Variants in EYS observed in about 807,000 individuals in gnomAD.
The protein encoded by EYS is protein eyes shut homolog.
A neutral mutation model predicts 282.1 loss-of-function variants in EYS; 250 were observed. That is an observed-to-expected ratio of 0.89 (90% confidence interval 0.80 to 0.98). EYS has a LOEUF of 0.98. Among genes scored for constraint, EYS ranks in the 50% least tolerant of loss-of-function variants. The pLI, the probability that EYS is intolerant of heterozygous loss-of-function variation, is 0.00. For synonymous variants in EYS, 1,355 were observed against 1,282.9 expected (o/e 1.06, Z -1.20); for missense variants, 4,016 against 3,709.0 (o/e 1.08, Z -2.15).
intron 26 of EYS, among the ~76,000 whole-genome samples, chr6:64,515,345 G>A (rs188756088): frequency 1.3e-5 from 2 of 151,562 alleles, no homozygotes; most frequent in Admixed American, 6.6e-5. Context: ...AAAAGGGAAG[G>A]TTTTAAGTAT....
chr6:65,628,662 G>A (rs1304836835), intron 2 of EYS, among the ~76,000 whole-genome samples: 2 of 152,030 alleles, frequency 1.3e-5, no homozygotes, highest in African/African-American at 2.4e-5. Flanking sequence ...CTTAAGAGCT[G>A]TAACACTCAC....
At chr6:63,959,671 A>G (rs1233687728) in intron 35 of EYS, among the ~76,000 whole-genome samples, 2 of 152,218 alleles carry the variant, frequency 1.3e-5, no homozygotes, top group Non-Finnish European at 2.9e-5. Flanking sequence ...ACCATGGAAT[A>G]CTATGCAGCC....
chr6:63,919,231 A>G (rs1484788399), intron 35 of EYS, among the ~76,000 whole-genome samples: 2 of 149,126 alleles, frequency 1.3e-5, no homozygotes, highest in Admixed American at 1.3e-4. Flanking sequence ...CCACATGAGT[A>G]GTGGGCAACA....
At chr6:65,263,682 A>T (rs1168769412) in intron 12 of EYS, among the ~76,000 whole-genome samples, 2 of 150,524 alleles carry the variant, frequency 1.3e-5, no homozygotes, top group Admixed American at 6.6e-5. Context: ...CTTCAACCTA[A>T]AAAGCAAAAA....
Position 64,027,631 on chromosome 6 carries a change from C to T in EYS, c.6726-28448G>A, listed in dbSNP as rs1001642700. 1.3e-5 allele frequency among the ~76,000 whole-genome samples: 2 copies of T among 152,194 alleles called. 1 individual carries two copies. The highest frequency in any genetic ancestry group is 4.1e-4 in the South Asian group (2 of 4,830). ...GACAGAAAATGGAGCAGGCCAATCACCTGGTAGGGCTTGTTATCAGTGTGG... is the reference window on the plus strand; with the variant it reads ...GACAGAAAATGGAGCAGGCCAATCATCTGGTAGGGCTTGTTATCAGTGTGG... On this transcript the variant is annotated intron_variant, in intron 33 of 42. Transcript: ENST00000503581.
chr6:63,737,609 G>C (rs566079669), intron 41 of EYS, among the ~76,000 whole-genome samples: 3 of 145,604 alleles, frequency 2.1e-5, no homozygotes, highest in Admixed American at 7.0e-5. Flanking sequence ...TCATAAAATG[G>C]GTTAGGGAGG....
At chr6:63,914,535 C>G (rs1047893240) in intron 35 of EYS, among the ~76,000 whole-genome samples, 1 of 151,956 alleles carries the variant, frequency 6.6e-6, no homozygotes, top group Admixed American at 6.6e-5. Flanking sequence ...AGGGTGAAAC[C>G]CCATCTCTAC....
chr6:64,546,960 A>T (rs749465057), intron 26 of EYS, among the ~76,000 whole-genome samples: 9 of 152,200 alleles, frequency 5.9e-5, no homozygotes, highest in Non-Finnish European at 1.0e-4. Flanking sequence ...GGTCTCACTG[A>T]CTTCAAGAAT....
intron 31 of EYS, among the ~76,000 whole-genome samples, chr6:64,196,842 T>C (rs188885619): frequency 6.6e-6 from 1 of 152,100 alleles, no homozygotes; most frequent in African/African-American, 2.4e-5. Flanking sequence ...CATGTATACA[T>C]ATGTAACTAA....
intron 12 of EYS, among the ~76,000 whole-genome samples, chr6:65,284,309 G>T (rs535833443): frequency 6.6e-6 from 1 of 151,958 alleles, no homozygotes; most frequent in Non-Finnish European, 1.5e-5. Context: ...TCCTGCTTCT[G>T]CCATTTTGTT....
At chr6:64,114,814 C>T (rs750739020) in intron 31 of EYS, among the ~76,000 whole-genome samples, 4 of 152,048 alleles carry the variant, frequency 2.6e-5, no homozygotes, top group African/African-American at 4.8e-5. Flanking sequence ...TTGCCACTGA[C>T]GTAACCAAGA....
intron 12 of EYS, among the ~76,000 whole-genome samples, chr6:65,111,897 T>C (rs1365101368): frequency 6.6e-6 from 1 of 152,134 alleles, no homozygotes; most frequent in Non-Finnish European, 1.5e-5. Context: ...TACTATTCCA[T>C]AGCCACAATT....
intron 22 of EYS, among the ~76,000 whole-genome samples, chr6:64,695,678 G>A (rs946299611): frequency 5.4e-5 from 8 of 149,254 alleles, no homozygotes; most frequent in African/African-American, 1.2e-4. Flanking sequence ...TCCTTCTCCC[G>A]GGTTCAAGTG....
intron 31 of EYS, among the ~76,000 whole-genome samples, chr6:64,219,576 A>G (rs948696219): frequency 4.6e-5 from 7 of 152,178 alleles, no homozygotes; most frequent in Non-Finnish European, 8.8e-5. Context: ...GTCAAATGGT[A>G]TTTCTAGTTC....
intron 2 of EYS, among the ~76,000 whole-genome samples, chr6:65,608,686 A>C (rs376993751): frequency 6.6e-6 from 1 of 152,076 alleles, no homozygotes; most frequent in African/African-American, 2.4e-5. Context: ...TTCTTGCTTT[A>C]TATCCCTATT....
chr6:64,690,595 T>C (rs1034331226), intron 22 of EYS, among the ~76,000 whole-genome samples: 1 of 152,260 alleles, frequency 6.6e-6, no homozygotes, highest in African/African-American at 2.4e-5. Flanking sequence ...CCATCAATGA[T>C]AGACTGGATT....
intron 24 of EYS, among the ~76,000 whole-genome samples, chr6:64,599,369 C>T (rs941516301): frequency 1.3e-5 from 2 of 151,894 alleles, no homozygotes; most frequent in African/African-American, 4.8e-5. Context: ...TCAGGGTATA[C>T]GTGGAAGGCA....
At position 65,665,433 on chromosome 6, in the gene EYS, G is replaced by A. The variant is rs560416172; in HGVS notation, c.-447-25541C>T. 1.8e-4 allele frequency among the ~76,000 whole-genome samples: 27 copies of A among 152,162 alleles called. 1 individual carries two copies. The East Asian group carries it at 4.8e-3, about 27-fold the overall frequency. On this transcript the variant is annotated intron_variant, in intron 1 of 42. Transcript: ENST00000503581. Reference sequence around the variant, plus strand: ...CCTCAAGAAATGGCCACTAAACTGTGGGAAACGATGAATTCCTACACAGTA... The same window carrying A: ...CCTCAAGAAATGGCCACTAAACTGTAGGAAACGATGAATTCCTACACAGTA...
chr6:64,156,008 A>G (rs1033547771), intron 31 of EYS, among the ~76,000 whole-genome samples: 13 of 147,424 alleles, frequency 8.8e-5, no homozygotes, highest in Admixed American at 2.7e-4. Flanking sequence ...GTGTGTGTGT[A>G]TGTGTGTATG....
Sources: allele counts gnomAD v4.1 joint callset (sites outside exome capture counted in the v4.1 genomes callset), GRCh38; gene constraint gnomAD v4.1.1; transcripts MANE v1.5; gene names NCBI Gene and HGNC (gene_info 2026-07-23, HGNC 2026-07-21).